Variants in SGCD observed in about 807,000 individuals in gnomAD.
The protein encoded by SGCD is delta-sarcoglycan.
SGCD carries 18 observed loss-of-function variants against 36.6 expected under a neutral mutation model. The ratio of observed to expected loss-of-function variants is 0.49; its 90% CI spans 0.34 to 0.73. The LOEUF (loss-of-function observed/expected upper bound fraction) is 0.73, where lower values mean the gene tolerates loss of function less well. Ranked by LOEUF, SGCD falls within the 30% of genes least tolerant of loss-of-function variation. The pLI is 0.01. For missense variants in SGCD, 387 were observed against 346.7 expected, an observed-to-expected ratio of 1.12 and a Z score of -0.92; for synonymous variants, 133 against 130.6, an observed-to-expected ratio of 1.02 and a Z score of -0.12.
chr5:156,123,735 A>G (rs1762104464), intron 2 of SGCD: 1 of 152,190 alleles, frequency 6.6e-6, no homozygotes, highest in Non-Finnish European at 1.5e-5. Flanking sequence ...ATTTTATGAC[A>G]AACAGAATCT....
the SGCD span, among the ~76,000 whole-genome samples, chr5:155,829,560 G>C: frequency 6.6e-6 from 1 of 152,178 alleles, no homozygotes; most frequent in South Asian, 2.1e-4. Context: ...AGAAAGCAGG[G>C]AGAATATTCA....
chr5:156,740,465 C>A (rs1292277520), intron 7 of SGCD, among the ~76,000 whole-genome samples: 1 of 152,206 alleles, frequency 6.6e-6, no homozygotes, highest in African/African-American at 2.4e-5. Context: ...AGACACACAA[C>A]TTTTGAATTA....
chr5:156,132,714 C>T (rs372613247), intron 3 of SGCD, among the ~76,000 whole-genome samples: 10 of 151,798 alleles, frequency 6.6e-5, no homozygotes, highest in South Asian at 2.1e-4. Flanking sequence ...GTGATCCGCC[C>T]GCCTCGGCCT....
At chr5:156,332,529 C>A (rs111952721) in intron 2 of SGCD, among the ~76,000 whole-genome samples, 2 of 152,144 alleles carry the variant, frequency 1.3e-5, no homozygotes, top group Non-Finnish European at 2.9e-5. Flanking sequence ...AGAAAGCAGA[C>A]GGTTATTTGA....
chr5:155,940,859 A>G (rs944059937), intron 1 of SGCD, among the ~76,000 whole-genome samples: 5 of 147,572 alleles, frequency 3.4e-5, no homozygotes, highest in African/African-American at 5.2e-5. Context: ...CAAACAAACA[A>G]CAACAACAAC....
chr5:156,264,521 T>G (rs538070106), intron 3 of SGCD, among the ~76,000 whole-genome samples: 33 of 152,242 alleles, frequency 2.2e-4, no homozygotes, highest in African/African-American at 6.3e-4. Flanking sequence ...GAGTTCAAAT[T>G]CCAATGCTAT....
chr5:156,654,732 A>G (rs1446107514), intron 7 of SGCD, among the ~76,000 whole-genome samples: 1 of 152,196 alleles, frequency 6.6e-6, no homozygotes, highest in East Asian at 1.9e-4. Flanking sequence ...TAATCCTGTT[A>G]TATTATTTTG....
At chr5:156,185,885 AGG>A (rs1561555692) in intron 3 of SGCD, among the ~76,000 whole-genome samples, 1 of 102,652 alleles carries the variant, frequency 9.7e-6, no homozygotes, top group African/African-American at 3.5e-5. Context: ...AGAGAGAGAG[AGG>A]GCCATGTCTC....
At chr5:156,357,236 G>A (rs888762513) in intron 3 of SGCD, among the ~76,000 whole-genome samples, 3 of 152,188 alleles carry the variant, frequency 2.0e-5, no homozygotes, top group African/African-American at 4.8e-5. Flanking sequence ...CAATGACCCT[G>A]TGAATGGGGA....
At chr5:156,585,639 G>C (rs1055956222) in intron 4 of SGCD, among the ~76,000 whole-genome samples, 30 of 152,302 alleles carry the variant, frequency 2.0e-4, no homozygotes, top group African/African-American at 7.2e-4. Context: ...TTTGCTGTGA[G>C]AGGACCCATG....
the SGCD span, among the ~76,000 whole-genome samples, chr5:155,841,808 C>G: frequency 6.6e-6 from 1 of 151,890 alleles, no homozygotes; most frequent in African/African-American, 2.4e-5. Context: ...CAAAGATTGA[C>G]GGGGGAGAAA....
intron 3 of SGCD, among the ~76,000 whole-genome samples, chr5:156,476,313 G>A (rs1755173566): frequency 1.3e-5 from 2 of 152,166 alleles, no homozygotes; most frequent in Admixed American, 1.3e-4. Flanking sequence ...CCACAAAGTA[G>A]TGAGAAAAGA....
chr5:156,497,878 C>T (rs914325379), intron 3 of SGCD, among the ~76,000 whole-genome samples: 1 of 152,062 alleles, frequency 6.6e-6, no homozygotes, highest in South Asian at 2.1e-4. Context: ...GTTAATCATG[C>T]AGGACTGATG....
At chr5:155,757,689 A>G in the SGCD span, among the ~76,000 whole-genome samples, 1 of 152,192 alleles carries the variant, frequency 6.6e-6, no homozygotes, top group Non-Finnish European at 1.5e-5. Flanking sequence ...GGTCCTCTTC[A>G]GGATCAGAGT....
the SGCD span, among the ~76,000 whole-genome samples, chr5:155,771,257 T>C: frequency 6.7e-6 from 1 of 149,096 alleles, no homozygotes; most frequent in Admixed American, 6.6e-5. Context: ...CCTAGATTTT[T>C]CCTTTTTTTA....
chr5:156,407,002 C>G (rs1404901639), intron 3 of SGCD, among the ~76,000 whole-genome samples: 3 of 151,562 alleles, frequency 2.0e-5, no homozygotes, highest in Admixed American at 2.0e-4. Flanking sequence ...GCATCCAGCA[C>G]GAGAGAAAGA....
intron 1 of SGCD, among the ~76,000 whole-genome samples, chr5:156,031,890 T>A (rs1759355587): frequency 6.6e-6 from 1 of 152,240 alleles, no homozygotes; most frequent in Non-Finnish European, 1.5e-5. Flanking sequence ...ACCTCATTAC[T>A]GAAGAGCTAG....
chr5:156,599,518 T>G (rs1761081363), intron 6 of SGCD, among the ~76,000 whole-genome samples: 1 of 152,210 alleles, frequency 6.6e-6, no homozygotes, highest in East Asian at 1.9e-4. Flanking sequence ...GTCTCTTACA[T>G]GTAGTAGCTT....
intron 1 of SGCD, among the ~76,000 whole-genome samples, chr5:156,032,948 A>G (rs185276653): frequency 4.0e-5 from 6 of 151,860 alleles, no homozygotes; most frequent in Admixed American, 3.9e-4. Flanking sequence ...ATAGTGGCAC[A>G]CACCTGTGAT....
Sources: gnomAD v4.1 joint callset for allele counts (sites outside exome capture counted in the v4.1 genomes callset) on GRCh38, gnomAD v4.1.1 for gene constraint, MANE v1.5 for transcripts, NCBI Gene and HGNC (gene_info 2026-07-23, HGNC 2026-07-21) for gene names.